The following TAF1 variants were observed in gnomAD, a reference collection of about 807,000 sequenced individuals.
TAF1 encodes transcription initiation factor TFIID subunit 1.
A neutral mutation model predicts 138.5 loss-of-function variants in TAF1; 2 were observed. The observed-to-expected ratio is 0.01, with a 90% CI of 0.01 to 0.05. TAF1 has a LOEUF of 0.05. Among genes scored for constraint, TAF1 ranks in the 10% least tolerant of loss-of-function variants. The pLI is 1.00. For synonymous variants in TAF1, 437 were observed against 503.2 expected, an observed-to-expected ratio of 0.87 and a Z score of 1.76; for missense variants, 709 against 1,478.0, an observed-to-expected ratio of 0.48 and a Z score of 8.53.
downstream of TAF1, among the ~76,000 whole-genome samples, chrX:71,470,056 T>C (rs969885364): frequency 2.7e-5 from 3 of 111,772 alleles, no homozygotes; most frequent in Non-Finnish European, 3.8e-5. Context: ...TGTTCTAGTT[T>C]TGAAAAATTA....
intron 32 of TAF1, among the ~76,000 whole-genome samples, chrX:71,441,294 CAT>C (rs1411404114): frequency 4.5e-5 from 5 of 109,963 alleles, no homozygotes; most frequent in African/African-American, 9.9e-5. Context: ...ACTACAAAAA[CAT>C]ATCATAGTTA....
At chrX:71,373,712 G>A (rs978328301) in intron 3 of TAF1, among the ~76,000 whole-genome samples, 1 of 111,596 alleles carries the variant, frequency 9.0e-6, no homozygotes, top group Non-Finnish European at 1.9e-5. Flanking sequence ...AATTAGGGCC[G>A]CATATGTAGA....
intron 13 of TAF1, among the ~76,000 whole-genome samples, chrX:71,474,641 C>T (rs2038948894): frequency 8.9e-6 from 1 of 112,122 alleles, no homozygotes; most frequent in Admixed American, 9.6e-5. Context: ...AAATCCTATT[C>T]TCACGGAGCT....
At position 71,377,658 on chromosome X, in the gene TAF1, G is replaced by A. The variant is rs1226984783; in HGVS notation, c.770G>A (p.Arg257Gln). Residue 257 changes from arginine to glutamine, a missense_variant, in exon 6 of 38, where the codon CGG (arginine) becomes CAG (glutamine). By Grantham distance (43) the Arg-to-Gln change is conservative. This residue lies in a region of TAF1 where 16 missense variants were observed against 42.1 expected (regional missense o/e 0.38). Transcript: ENST00000423759. ...GPGKNVPSVW[R>Q]SARRKRKKKH... is the part of the protein sequence containing the mutation. ...GGGAAGAATGTCCCATCTGTTTGGC[G>A]GAGTGCTCGGAGAAAGAGGAAGAAG... is the stretch of plus-strand genomic sequence containing the variant. 2 of 1,209,302 alleles carry A rather than the reference G, an allele frequency of 1.7e-6. No homozygotes were observed. Among genetic ancestry groups the A allele is most frequent in the East Asian group, 3.0e-5 (1 of 33,746 alleles).
intron 13 of TAF1, among the ~76,000 whole-genome samples, chrX:71,502,851 T>C (rs1033097828): frequency 7.3e-5 from 8 of 110,144 alleles, no homozygotes; most frequent in African/African-American, 2.7e-4. Flanking sequence ...GGCAGGAGAA[T>C]CGCTTGAACC....
intron 13 of TAF1, among the ~76,000 whole-genome samples, chrX:71,516,305 C>A (rs1350285838): frequency 4.8e-5 from 5 of 103,548 alleles, no homozygotes; most frequent in African/African-American, 1.8e-4. Context: ...CTCCTGGGCT[C>A]AAGCAATCTG....
chrX:71,412,318 A>G (rs1363434750), intron 28 of TAF1, among the ~76,000 whole-genome samples: 2 of 108,269 alleles, frequency 1.8e-5, no homozygotes, highest in Non-Finnish European at 3.8e-5. Context: ...TGTAGAGACA[A>G]GAGTCTCACT....
downstream of TAF1, among the ~76,000 whole-genome samples, chrX:71,466,739 C>A (rs1276083509): frequency 9.0e-6 from 1 of 111,417 alleles, no homozygotes; most frequent in East Asian, 2.8e-4. Context: ...AGCGATCCAC[C>A]TACCTTGTCT....
chrX:71,444,669 A>G (rs1264941363), intron 32 of TAF1, among the ~76,000 whole-genome samples: 1 of 111,346 alleles, frequency 9.0e-6, no homozygotes, highest in Non-Finnish European at 1.9e-5. Flanking sequence ...GTCAAGGCTG[A>G]CCCAGGAGGT....
chrX:71,371,118 A>T (rs2033028173), intron 3 of TAF1, among the ~76,000 whole-genome samples: 1 of 111,606 alleles, frequency 9.0e-6, no homozygotes, highest in Admixed American at 9.6e-5. Context: ...TTGACTAGGG[A>T]TGGTAAGGAA....
intron 16 of TAF1, 151 bp from the exon 17 acceptor site, chrX:71,388,587 G>A: frequency 1.1e-6 from 1 of 940,760 alleles, no homozygotes; most frequent in South Asian, 2.4e-5. Context: ...TGAGTTGTAG[G>A]AAACTTAGCA....
At chrX:71,389,968 C>T (rs1401876300) in intron 18 of TAF1, among the ~76,000 whole-genome samples, 2 of 110,690 alleles carry the variant, frequency 1.8e-5, no homozygotes, top group Non-Finnish European at 3.8e-5. Flanking sequence ...GGGGTTCCTG[C>T]AATTCTCGCG....
intron 13 of TAF1, among the ~76,000 whole-genome samples, chrX:71,523,255 C>G (rs1433743107): frequency 9.5e-6 from 1 of 105,220 alleles, no homozygotes. Flanking sequence ...CCATCCAAAA[C>G]TATGATCAAA....
Position 71,399,357 on chromosome X carries a change from A to AGCGATTT in TAF1, c.3786+621_3786+627dup, listed in dbSNP as rs754743723. Among the ~76,000 whole-genome samples, 675 of 102,215 alleles carry AGCGATTT rather than the reference A, an allele frequency of 6.6e-3. 2 individuals carry two copies. The highest frequency in any genetic ancestry group is 0.026 in the Middle Eastern group (5 of 193). 88.8% of individuals were successfully genotyped at this position (102,215 alleles called of 115,157 possible). A position where few individuals can be genotyped will look rare whatever the true frequency, so the allele number is the denominator to read the frequency against. ...TTGCAGCCTCCGCCTCCTGGGTTCA[A>AGCGATTT]GCGATTTTCCTGCCAGAGCCTCTCG... On this transcript the variant is annotated intron_variant, in intron 24 of 37. Coordinates refer to ENST00000423759, the MANE Select transcript of TAF1 (RefSeq NM_004606.5).
intron 8 of TAF1, 147 bp from the exon 9 acceptor site, chrX:71,381,596 G>T: frequency 3.4e-6 from 2 of 592,132 alleles, no homozygotes; most frequent in Non-Finnish European, 5.3e-6. Context: ...GAAATACACT[G>T]TGTAGGTTCC....
At position 71,490,522 on chromosome X, in the gene TAF1, G is replaced by T. The variant is rs951665095; in HGVS notation, c.1366+29719G>T. The stretch of plus-strand genomic sequence containing the variant: ...GCTCACTGCAAGCTCCGCCTCCCGG[G>T]TTCATGCCATTCTCCCGCTTCAGCC... On this transcript the variant is annotated intron_variant and NMD_transcript_variant, in intron 13 of 14. Coordinates refer to the TAF1 transcript ENST00000373775. 2.7e-5 allele frequency among the ~76,000 whole-genome samples: 3 copies of T among 110,046 alleles called. No homozygotes were observed. The East Asian group carries it at 8.5e-4, about 31-fold the overall frequency.
intron 13 of TAF1, among the ~76,000 whole-genome samples, chrX:71,487,917 G>A (rs943157959): frequency 2.7e-5 from 3 of 111,885 alleles, no homozygotes; most frequent in African/African-American, 9.7e-5. Context: ...GTTAGGTGCT[G>A]GGTATTTCTG....
intron 22 of TAF1, among the ~76,000 whole-genome samples, chrX:71,394,643 T>A (rs1471844177): frequency 8.9e-6 from 1 of 112,685 alleles, no homozygotes; most frequent in Non-Finnish European, 1.9e-5. Context: ...ATTATTTTTT[T>A]ATTTTGGAGA....
chrX:71,387,481 G>C lies in TAF1; in HGVS notation c.2427+20G>C, dbSNP rs772468692. On this transcript the variant is annotated intron_variant, in intron 15 of 37. Transcript: ENST00000423759. ...CTACAGGTAAGAATGGGAGGATAGG[G>C]AGGGGATTGGGTTGTATACAGAAAG... 1.7e-6 allele frequency: 2 copies of C among 1,209,958 alleles called. No homozygotes were observed. Among genetic ancestry groups the C allele is most frequent in the African/African-American group, 3.5e-5 (2 of 57,827 alleles).
Sources: gnomAD v4.1 joint callset for allele counts (sites outside exome capture counted in the v4.1 genomes callset) on GRCh38, gnomAD v4.1.1 for gene constraint, gnomAD v4.1.1 regional missense constraint, MANE v1.5 for transcripts, NCBI Gene and HGNC (gene_info 2026-07-23, HGNC 2026-07-21) for gene names.